COL11A1: variants seen among roughly 807,000 people sequenced by gnomAD.
The protein encoded by COL11A1 is collagen type XI alpha 1 chain.
A neutral mutation model predicts 265.2 loss-of-function variants in COL11A1; 74 were observed. The ratio of observed to expected loss-of-function variants is 0.28; its 90% confidence interval spans 0.23 to 0.34. The LOEUF is 0.34. COL11A1 is among the 10% of genes least tolerant of loss of function. COL11A1 has a pLI of 1.00. For synonymous variants in COL11A1, 816 were observed against 727.6 expected (o/e 1.12, Z -1.96); for missense variants, 2,165 against 2,263.6 (o/e 0.96, Z 0.88).
intron 1 of COL11A1, chr1:103,100,749 G>A (rs1324911025): frequency 6.6e-6 from 1 of 151,936 alleles, no homozygotes; most frequent in Non-Finnish European, 1.5e-5. Flanking sequence ...ATGGACAAGT[G>A]GCCAAAAGCA....
chr1:103,072,737 AC>A (rs2102271898), intron 4 of COL11A1, among the ~76,000 whole-genome samples: 1 of 151,894 alleles, frequency 6.6e-6, no homozygotes, highest in South Asian at 2.1e-4. Context: ...GTGGAAAGAG[AC>A]CAAATTGTTT....
chr1:102,889,002 A>G, intron 59 of COL11A1, 83 bp from the exon 60 acceptor site: 1 of 1,234,952 alleles, frequency 8.1e-7, no homozygotes, highest in Middle Eastern at 2.5e-4. Flanking sequence ...TATTTTCATA[A>G]CAGCATACAC....
At chr1:103,025,154 A>G (rs903430600) in intron 7 of COL11A1, among the ~76,000 whole-genome samples, 1 of 152,156 alleles carries the variant, frequency 6.6e-6, no homozygotes, top group Non-Finnish European at 1.5e-5. Flanking sequence ...GTATCCTTCG[A>G]TGATACAATT....
chr1:102,991,893 T>C (rs1261617722), intron 28 of COL11A1, among the ~76,000 whole-genome samples: 2 of 151,382 alleles, frequency 1.3e-5, no homozygotes, highest in African/African-American at 2.4e-5. Flanking sequence ...CCCAGGATGC[T>C]CTCTGTACTG....
At position 103,078,783 on chromosome 1, in the gene COL11A1, C is replaced by T. The variant is rs1238295283; in HGVS notation, c.363G>A (p.Glu121=). 3.7e-6 allele frequency: 6 copies of T among 1,612,652 alleles called. No individual in the cohort carries two copies. Among genetic ancestry groups the T allele is most frequent in the Non-Finnish European group, 4.2e-6 (5 of 1,179,064 alleles). Residue 121 remains glutamate (E), a synonymous_variant, in exon 3 of 67, where the codon GAG becomes GAA. Transcript: ENST00000370096. The part of the protein sequence containing the change: ...IQSFLLSIYN[E]HGIQQIGVEV... ...CAACACCAATTTGCTGAATACCATG[C>T]TCATTATATATAGATAAAAGGAAAG... is the stretch of plus-strand genomic sequence containing the variant.
At chr1:103,019,290 A>T (rs1183149336) in intron 9 of COL11A1, among the ~76,000 whole-genome samples, 1 of 152,142 alleles carries the variant, frequency 6.6e-6, no homozygotes, top group Non-Finnish European at 1.5e-5. Context: ...TAATTCAGGG[A>T]AATTACAGAA....
At chr1:103,097,069 G>GA (rs958392597) in intron 1 of COL11A1, among the ~76,000 whole-genome samples, 33 of 152,046 alleles carry the variant, frequency 2.2e-4, no homozygotes, top group African/African-American at 7.0e-4. Flanking sequence ...GGCTATTCCA[G>GA]AAAAAACAAC....
chr1:102,982,618 C>T (rs535314888), intron 31 of COL11A1, among the ~76,000 whole-genome samples: 18 of 151,946 alleles, frequency 1.2e-4, no homozygotes, highest in African/African-American at 4.1e-4. Flanking sequence ...TTAAATTATG[C>T]CTGTATTATT....
At chr1:103,025,822 G>C (rs765254837) in intron 6 of COL11A1, 1 of 1,613,258 alleles carries the variant, frequency 6.2e-7, no homozygotes, top group South Asian at 1.1e-5. Context: ...TTTGGCTTTT[G>C]CTGATGCTTG....
At chr1:102,928,709 C>G (rs1656965663) in intron 46 of COL11A1, among the ~76,000 whole-genome samples, 1 of 145,828 alleles carries the variant, frequency 6.9e-6, no homozygotes, top group African/African-American at 2.5e-5. Context: ...ACAGTCCCAC[C>G]AACAGTGTAA....
intron 41 of COL11A1, among the ~76,000 whole-genome samples, chr1:102,953,737 A>C (rs780331387): frequency 1.3e-5 from 2 of 152,212 alleles, no homozygotes; most frequent in African/African-American, 2.4e-5. Flanking sequence ...TTAATAAATG[A>C]ATATCAAAAC....
intron 31 of COL11A1, among the ~76,000 whole-genome samples, chr1:102,983,312 T>C (rs538925230): frequency 1.3e-5 from 2 of 152,206 alleles, no homozygotes; most frequent in Non-Finnish European, 2.9e-5. Flanking sequence ...TGAAAATTTA[T>C]ATCCATATAC....
intron 46 of COL11A1, among the ~76,000 whole-genome samples, chr1:102,933,915 C>T (rs1204429132): frequency 6.6e-6 from 1 of 152,208 alleles, no homozygotes; most frequent in Non-Finnish European, 1.5e-5. Flanking sequence ...CCTTTTGCTT[C>T]CCAAGTGAGG....
At chr1:102,916,100 T>C (rs910608817) in intron 49 of COL11A1, among the ~76,000 whole-genome samples, 3 of 152,192 alleles carry the variant, frequency 2.0e-5, no homozygotes, top group Non-Finnish European at 2.9e-5. Context: ...CTACAACAAA[T>C]CAACAGATGA....
intron 4 of COL11A1, among the ~76,000 whole-genome samples, chr1:103,033,384 T>C (rs1668130104): frequency 6.6e-6 from 1 of 152,076 alleles, no homozygotes; most frequent in Non-Finnish European, 1.5e-5. Context: ...CTTATGTTTT[T>C]ACTATAGCCT....
chr1:102,994,425 CCTCCTG>C (rs1337533830), intron 28 of COL11A1, among the ~76,000 whole-genome samples: 2 of 152,046 alleles, frequency 1.3e-5, no homozygotes, highest in African/African-American at 2.4e-5. Context: ...TTCTTCACCC[CCTCCTG>C]CTCCTGCTCC....
At chr1:103,002,652 G>T in intron 22 of COL11A1, 95 bp downstream of exon 22, 4 of 1,214,696 alleles carry the variant, frequency 3.3e-6, no homozygotes, top group Non-Finnish European at 4.9e-6. Flanking sequence ...TTAGCAAAAT[G>T]TAATAAATCA....
chr1:102,979,109 C>G lies in COL11A1; in HGVS notation c.2611-5G>C. The G allele has an allele frequency of 1.2e-6, 2 of 1,614,042 alleles. No individual in the cohort carries two copies. The highest frequency in any genetic ancestry group is 2.2e-5 in the East Asian group (1 of 44,888). The stretch of plus-strand genomic sequence containing the variant: ...GCCTGGTTTGCCAGCTACTCCCTAG[C>G]AAAGACAGTTCAATTTCAATATGCA... On this transcript the variant is annotated splice_region_variant and splice_polypyrimidine_tract_variant and intron_variant, in intron 32 of 66. Transcript: ENST00000370096.
At chr1:103,048,016 T>A (rs1200416197) in intron 4 of COL11A1, among the ~76,000 whole-genome samples, 1 of 152,216 alleles carries the variant, frequency 6.6e-6, no homozygotes, top group African/African-American at 2.4e-5. Context: ...AGTATTTTAT[T>A]GAGGATTTTT....
Sources: gnomAD v4.1 joint callset for allele counts (sites outside exome capture counted in the v4.1 genomes callset) on GRCh38, gnomAD v4.1.1 for gene constraint, MANE v1.5 for transcripts, NCBI Gene and HGNC (gene_info 2026-07-23, HGNC 2026-07-21) for gene names.